The following NEDD4 variants were observed in gnomAD, a reference collection of about 807,000 sequenced individuals.
The protein encoded by NEDD4 is NEDD4 E3 ubiquitin protein ligase.
A neutral mutation model predicts 144.9 loss-of-function variants in NEDD4; 99 were observed. That is an observed-to-expected ratio of 0.68 (90% CI 0.58 to 0.81). The LOEUF is 0.81. Among genes scored for constraint, NEDD4 ranks in the 30% least tolerant of loss-of-function variants. The pLI, the probability that NEDD4 is intolerant of heterozygous loss-of-function variation, is 0.00. For synonymous variants in NEDD4, 318 were observed against 350.6 expected, an observed-to-expected ratio of 0.91 and a Z score of 1.04; for missense variants, 985 against 1,065.9, an observed-to-expected ratio of 0.92 and a Z score of 1.06.
chr15:55,924,870 C>T (rs981127373), intron 4 of NEDD4, among the ~76,000 whole-genome samples, 171 bp from the exon 5 acceptor site: 13 of 152,106 alleles, frequency 8.5e-5, no homozygotes, highest in African/African-American at 2.9e-4. Context: ...GAGTTCGAGA[C>T]GAGCCTGGCC....
chr15:55,989,649 T>C (rs1445453467), intron 1 of NEDD4, among the ~76,000 whole-genome samples: 2 of 152,244 alleles, frequency 1.3e-5, no homozygotes, highest in Non-Finnish European at 2.9e-5. Context: ...CTGAACTCTT[T>C]CCTCTTTATT....
intron 12 of NEDD4, among the ~76,000 whole-genome samples, chr15:55,854,162 A>T (rs565031723): frequency 6.6e-6 from 1 of 152,150 alleles, no homozygotes; most frequent in East Asian, 1.9e-4. Context: ...CCCCTCCGAA[A>T]AAAAAAAGTC....
intron 5 of NEDD4, among the ~76,000 whole-genome samples, chr15:55,875,814 T>C (rs1290966675): frequency 6.6e-6 from 1 of 151,618 alleles, no homozygotes; most frequent in Non-Finnish European, 1.5e-5. Flanking sequence ...TGGAGTTCCA[T>C]AAAAGGGGAT....
At chr15:55,971,666 C>T (rs2142338906) in intron 1 of NEDD4, among the ~76,000 whole-genome samples, 1 of 150,410 alleles carries the variant, frequency 6.6e-6, no homozygotes, top group African/African-American at 2.4e-5. Context: ...GAGGAGGTAG[C>T]AAGAGAGATT....
intron 11 of NEDD4, among the ~76,000 whole-genome samples, chr15:55,859,627 C>A (rs773154358): frequency 6.6e-6 from 1 of 152,100 alleles, no homozygotes; most frequent in Non-Finnish European, 1.5e-5. Context: ...AAGCTGGAGA[C>A]GGAGTTTGCA....
intron 5 of NEDD4, among the ~76,000 whole-genome samples, chr15:55,882,881 C>A (rs1050945187): frequency 6.6e-6 from 1 of 152,186 alleles, no homozygotes; most frequent in African/African-American, 2.4e-5. Flanking sequence ...CCTGAATAAT[C>A]AGCAGCAGTA....
At chr15:55,927,077 C>CAAAA (rs57940091) in intron 4 of NEDD4, among the ~76,000 whole-genome samples, 503 of 69,246 alleles carry the variant, frequency 7.3e-3, no homozygotes, top group Non-Finnish European at 8.4e-3. Flanking sequence ...GACTACGTCT[C>CAAAA]AAAAAAAAAA....
chr15:55,944,349 T>C (rs761643808), intron 4 of NEDD4, among the ~76,000 whole-genome samples: 15 of 152,234 alleles, frequency 9.9e-5, no homozygotes, highest in Admixed American at 2.6e-4. Context: ...CATGCCTGGA[T>C]TGGCGGGTAC....
At chr15:55,878,547 C>G (rs1021740196) in intron 5 of NEDD4, among the ~76,000 whole-genome samples, 4 of 152,230 alleles carry the variant, frequency 2.6e-5, no homozygotes, top group African/African-American at 9.6e-5. Context: ...GTGGTGCAAT[C>G]AAAACTCTCT....
intron 2 of NEDD4, among the ~76,000 whole-genome samples, chr15:55,962,489 G>C (rs749793244): frequency 1.3e-5 from 2 of 152,154 alleles, no homozygotes. Flanking sequence ...TGTCATGCAG[G>C]CTGAAGTGCA....
At chr15:55,884,362 A>G (rs1292285735) in intron 5 of NEDD4, among the ~76,000 whole-genome samples, 2 of 152,298 alleles carry the variant, frequency 1.3e-5, no homozygotes, top group East Asian at 1.9e-4. Flanking sequence ...ACTATAATAA[A>G]TACCTAACTT....
At chr15:55,983,324 G>C (rs891766595) in intron 1 of NEDD4, among the ~76,000 whole-genome samples, 1 of 152,178 alleles carries the variant, frequency 6.6e-6, no homozygotes, top group African/African-American at 2.4e-5. Context: ...GCGTGCATTT[G>C]ATTTCCATGC....
intron 1 of NEDD4, among the ~76,000 whole-genome samples, chr15:55,983,125 A>C (rs1305553412): frequency 1.3e-5 from 2 of 149,014 alleles, no homozygotes; most frequent in Non-Finnish European, 3.0e-5. Context: ...TCCATCTCTT[A>C]AAAAAAAAAA....
At chr15:55,904,209 C>T (rs1286678522) in intron 5 of NEDD4, among the ~76,000 whole-genome samples, 1 of 152,158 alleles carries the variant, frequency 6.6e-6, no homozygotes. Flanking sequence ...ATAGTTGAGG[C>T]TTCAAGTCCT....
intron 5 of NEDD4, among the ~76,000 whole-genome samples, chr15:55,907,165 A>C (rs1289762309): frequency 6.6e-6 from 1 of 152,060 alleles, no homozygotes; most frequent in African/African-American, 2.4e-5. Flanking sequence ...CTTGGAAGAA[A>C]TCTTCCAAGA....
intron 5 of NEDD4, among the ~76,000 whole-genome samples, chr15:55,919,157 C>T (rs2036524435): frequency 6.6e-6 from 1 of 152,178 alleles, no homozygotes; most frequent in Admixed American, 6.6e-5. Context: ...GCCATAACTA[C>T]ACATTTCTTC....
At chr15:55,952,103 C>A (rs1452437602) in intron 2 of NEDD4, among the ~76,000 whole-genome samples, 2 of 150,914 alleles carry the variant, frequency 1.3e-5, no homozygotes, top group African/African-American at 4.9e-5. Flanking sequence ...CCGAGGCGGG[C>A]GGATCATGAG....
intron 13 of NEDD4, among the ~76,000 whole-genome samples, 162 bp from the exon 14 acceptor site, chr15:55,850,904 AT>A (rs1164213050): frequency 6.6e-6 from 1 of 152,186 alleles, no homozygotes; most frequent in Non-Finnish European, 1.5e-5. Flanking sequence ...GCATGTTAAT[AT>A]TTTCCCAACA....
chr15:55,958,721 AT>A (rs2037378845), intron 2 of NEDD4, among the ~76,000 whole-genome samples: 6 of 152,046 alleles, frequency 3.9e-5, no homozygotes, highest in Admixed American at 2.6e-4. Flanking sequence ...AAAGTTTTGT[AT>A]TTGTTCTGTG....
Sources: gnomAD v4.1 joint callset for allele counts (sites outside exome capture counted in the v4.1 genomes callset) on GRCh38, gnomAD v4.1.1 for gene constraint, MANE v1.5 for transcripts, NCBI Gene and HGNC (gene_info 2026-07-23, HGNC 2026-07-21) for gene names.